Variants in MAN1C1 observed in about 807,000 individuals in gnomAD.
MAN1C1 encodes mannosidase alpha class 1C member 1, also known as mannosyl-oligosaccharide 1,2-alpha-mannosidase IC.
MAN1C1 carries 49 observed loss-of-function variants against 71.5 expected under a neutral mutation model. The observed-to-expected ratio is 0.69, with a 90% CI of 0.54 to 0.87. The LOEUF (loss-of-function observed/expected upper bound fraction) is 0.87. Ranked by LOEUF, MAN1C1 falls within the 40% of genes least tolerant of loss-of-function variation. The probability of loss-of-function intolerance (pLI) is 0.00; values close to 1 mark genes in which losing one functional copy is unlikely to be tolerated. For synonymous variants in MAN1C1, 352 were observed against 343.7 expected (o/e 1.02, Z -0.27); for missense variants, 743 against 835.0 (o/e 0.89, Z 1.36).
At position 25,725,112 on chromosome 1, in the gene MAN1C1, C is replaced by T. The variant is rs2046815076; in HGVS notation, c.638-21556C>T. 6.6e-6 allele frequency among the ~76,000 whole-genome samples: 1 copy of T among 152,170 alleles called. No homozygotes were observed. Among genetic ancestry groups the T allele is most frequent in the Non-Finnish European group, 1.5e-5 (1 of 68,030 alleles). ...AATGAATGTGGGAGCTGCCTTTTGTCAAAGCACCATTAAAACCCAGCTCTG... is the reference window on the plus strand; with the variant it reads ...AATGAATGTGGGAGCTGCCTTTTGTTAAAGCACCATTAAAACCCAGCTCTG... On this transcript the variant is annotated intron_variant, in intron 2 of 11. Transcript: ENST00000374332. This position sits in a 1 kb window ranked among gnomAD's most constrained non-coding sequence, Gnocchi z 4.8.
At chr1:25,713,951 A>G (rs12089134) in intron 2 of MAN1C1, among the ~76,000 whole-genome samples, 2,294 of 152,272 alleles carry the variant, frequency 0.015, 57 homozygotes, top group African/African-American at 0.051. Context: ...GCCCCTCCTC[A>G]AATAGACACA....
intron 1 of MAN1C1, among the ~76,000 whole-genome samples, chr1:25,685,781 G>C (rs1490903678): frequency 1.3e-5 from 2 of 152,238 alleles, no homozygotes; most frequent in Admixed American, 1.3e-4. Flanking sequence ...TAGCCTCAAG[G>C]AGTTTATGAT....
chr1:25,665,002 T>G (rs769069506), intron 1 of MAN1C1, among the ~76,000 whole-genome samples: 1 of 152,164 alleles, frequency 6.6e-6, no homozygotes, highest in Admixed American at 6.5e-5. Flanking sequence ...GCTAGCCTGG[T>G]TAAGAGTTAT....
intron 1 of MAN1C1, among the ~76,000 whole-genome samples, chr1:25,668,056 TG>T (rs1390679628): frequency 6.6e-6 from 1 of 152,160 alleles, no homozygotes; most frequent in Non-Finnish European, 1.5e-5. Context: ...ACCTTATCAG[TG>T]GGTTTTACAA....
At position 25,782,007 on chromosome 1, in the gene MAN1C1, G is replaced by A. The variant is rs2047702515; in HGVS notation, c.1651-578G>A. Among the ~76,000 whole-genome samples the A allele has an allele frequency of 6.6e-6, 1 of 152,176 alleles. No homozygotes were observed. The highest frequency in any genetic ancestry group is 2.4e-5 in the African/African-American group (1 of 41,446). Reference sequence around the variant, plus strand: ...CTGAGGCAAGAGGATTGCTCGAACTGCAGAGGTTGAAGCTGCAGAGTGAGC... The same window carrying A: ...CTGAGGCAAGAGGATTGCTCGAACTACAGAGGTTGAAGCTGCAGAGTGAGC... On this transcript the variant is annotated intron_variant, in intron 10 of 11. Transcript: ENST00000374332. This position sits in a 1 kb window ranked among gnomAD's most constrained non-coding sequence, Gnocchi z 4.4.
At chr1:25,640,876 C>T (rs1024814775) in intron 1 of MAN1C1, among the ~76,000 whole-genome samples, 6 of 152,138 alleles carry the variant, frequency 3.9e-5, no homozygotes, top group East Asian at 1.9e-4. Flanking sequence ...CAATCCAGAT[C>T]GAGCCAAGGG....
rs553743343 is a variant in MAN1C1 at position 25,779,632 on chromosome 1, C to G, written c.1477+1308C>G. On this transcript the variant is annotated intron_variant, in intron 9 of 11. Coordinates refer to ENST00000374332, the MANE Select transcript of MAN1C1 (RefSeq NM_020379.4). The surrounding 1 kb of genome is among the most constrained non-coding windows in gnomAD (Gnocchi z 4.6). ...TAAAGCATATTGTTCTAGCCAGCCTCGGCTTGTCCTGTGGACGCCTGTAGC... is the reference window on the plus strand; with the variant it reads ...TAAAGCATATTGTTCTAGCCAGCCTGGGCTTGTCCTGTGGACGCCTGTAGC... Among the ~76,000 whole-genome samples, 1 of 152,180 alleles carries G rather than the reference C, an allele frequency of 6.6e-6. No homozygotes were observed. The highest frequency in any genetic ancestry group is 2.4e-5 in the African/African-American group (1 of 41,440).
chr1:25,774,407 T>G (rs1164463365), intron 8 of MAN1C1, among the ~76,000 whole-genome samples: 1 of 152,158 alleles, frequency 6.6e-6, no homozygotes, highest in Non-Finnish European at 1.5e-5. Context: ...AAGGTCCATA[T>G]AGCAACAAGT....
chr1:25,694,339 A>G (rs2124198007), intron 2 of MAN1C1, among the ~76,000 whole-genome samples: 1 of 152,292 alleles, frequency 6.6e-6, no homozygotes, highest in African/African-American at 2.4e-5. Flanking sequence ...CCCTGCTCTG[A>G]GCCAGCCCCA....
chr1:25,727,891 G>A (rs1454773589), intron 2 of MAN1C1, among the ~76,000 whole-genome samples: 2 of 152,260 alleles, frequency 1.3e-5, no homozygotes, highest in South Asian at 2.1e-4. Flanking sequence ...GCAGGAGAGC[G>A]TGGGGGCCGT....
intron 1 of MAN1C1, among the ~76,000 whole-genome samples, chr1:25,666,740 A>G (rs2045930148): frequency 6.6e-6 from 1 of 152,244 alleles, no homozygotes; most frequent in African/African-American, 2.4e-5. Context: ...GCTGTCAGCG[A>G]CAGAAATCTC....
At chr1:25,658,227 C>T (rs1269207761) in intron 1 of MAN1C1, among the ~76,000 whole-genome samples, 2 of 152,222 alleles carry the variant, frequency 1.3e-5, no homozygotes, top group African/African-American at 4.8e-5. Flanking sequence ...AGCTGAGGCT[C>T]AGAGGTGTTA....
intron 2 of MAN1C1, among the ~76,000 whole-genome samples, chr1:25,737,804 G>T (rs1425588410): frequency 1.3e-5 from 2 of 152,122 alleles, no homozygotes; most frequent in Non-Finnish European, 2.9e-5. Flanking sequence ...AGATGAGTAG[G>T]TGTTTACCGA....
At position 25,632,259 on chromosome 1, in the gene MAN1C1, G is replaced by T. The variant is rs183556041; in HGVS notation, c.540+13922G>T. Among the ~76,000 whole-genome samples the T allele has an allele frequency of 1.9e-4, 29 of 152,220 alleles. No individual in the cohort carries two copies. The East Asian group carries it at 5.6e-3, about 29-fold the overall frequency. ...AGGGTTGTATGTTTCCAGGAATTTA[G>T]CAGTTTTCTTAGATTTTTCTAGTTT... On this transcript the variant is annotated intron_variant, in intron 1 of 11. Transcript: ENST00000374332.
intron 2 of MAN1C1, among the ~76,000 whole-genome samples, chr1:25,740,682 C>CGAG (rs2047051071): frequency 6.6e-6 from 1 of 151,738 alleles, no homozygotes; most frequent in African/African-American, 2.4e-5. Context: ...GTGATCCACC[C>CGAG]GCCTTGGCCT....
chr1:25,646,384 A>G (rs1325236614), intron 1 of MAN1C1: 1 of 152,288 alleles, frequency 6.6e-6, no homozygotes, highest in Admixed American at 6.5e-5. Flanking sequence ...TGCGGGGAGC[A>G]CTGAGGAACT....
In MAN1C1 at chr1:25,617,161, G is replaced by A. The variant is rs1305164666; in HGVS notation, c.-637G>A. On this transcript the variant is annotated 5_prime_UTR_variant, in exon 1 of 12. Coordinates refer to ENST00000374332, the MANE Select transcript of MAN1C1 (RefSeq NM_020379.4). The surrounding 1 kb of genome is among the most constrained non-coding windows in gnomAD (Gnocchi z 5.1). ...CCTGCTCCTGCTCCCTGGCCACTCC[G>A]GCTCCCAGCTCCCGGCGCCCTCTCC... Among the ~76,000 whole-genome samples the A allele has an allele frequency of 6.6e-6, 1 of 151,736 alleles. No individual in the cohort carries two copies. The highest frequency in any genetic ancestry group is 2.1e-4 in the South Asian group (1 of 4,828).
intron 2 of MAN1C1, among the ~76,000 whole-genome samples, chr1:25,738,043 G>A (rs560952078): frequency 6.6e-6 from 1 of 152,282 alleles, no homozygotes; most frequent in East Asian, 1.9e-4. Context: ...GTTGAGGGCT[G>A]TTAAACAGGG....
At chr1:25,644,518 A>ATATATATATTTTT (rs61386117) in intron 1 of MAN1C1, 3 of 40,290 alleles carry the variant, frequency 7.4e-5, no homozygotes, top group African/African-American at 5.7e-4. Flanking sequence ...ATATATATAT[A>ATATATATATTTTT]TTTTTTTTTT....
Sources: allele counts gnomAD v4.1 joint callset (sites outside exome capture counted in the v4.1 genomes callset), GRCh38; gene constraint gnomAD v4.1.1; non-coding constraint Gnocchi (gnomAD v3.1); transcripts MANE v1.5; gene names NCBI Gene and HGNC (gene_info 2026-07-23, HGNC 2026-07-21).